The following EFR3A variants were observed in gnomAD, a reference collection of about 807,000 sequenced individuals.
EFR3A encodes the protein protein EFR3 homolog A.
A neutral mutation model predicts 104.4 loss-of-function variants in EFR3A; 76 were observed. The ratio of observed to expected loss-of-function variants is 0.73; its 90% CI spans 0.60 to 0.88. The LOEUF (loss-of-function observed/expected upper bound fraction) is 0.88. EFR3A is among the 40% of genes least tolerant of loss of function. EFR3A has a pLI of 0.00. For missense variants in EFR3A, 985 were observed against 1,012.5 expected (o/e 0.97, Z 0.37); for synonymous variants, 330 against 330.0 (o/e 1.00, Z 0.00).
chr8:132,002,338 G>GT (rs1173612009), intron 20 of EFR3A, among the ~76,000 whole-genome samples: 2 of 152,138 alleles, frequency 1.3e-5, no homozygotes, highest in African/African-American at 4.8e-5. Flanking sequence ...CCATTTTTTG[G>GT]TAAGAGAGAC....
At position 132,011,360 on chromosome 8, in the gene EFR3A, T is replaced by G; in HGVS notation, c.*465T>G. The G allele has an allele frequency of 1.0e-6, 1 of 986,238 alleles. No individual in the cohort carries two copies. The highest frequency in any genetic ancestry group is 1.7e-5 in the African/African-American group (1 of 57,348). 61.1% of individuals were successfully genotyped at this position (986,238 alleles called of 1,614,324 possible). On this transcript the variant is annotated 3_prime_UTR_variant, in exon 23 of 23. Transcript: ENST00000254624. ...TCCTAGTCCTGGGACTGCAAAACTG[T>G]TCGGTGGCTTTTTGTCCCCATGCTT... is the stretch of plus-strand genomic sequence containing the variant.
intron 22 of EFR3A, among the ~76,000 whole-genome samples, chr8:132,010,195 A>T (rs1369368107): frequency 6.6e-6 from 1 of 151,784 alleles, no homozygotes; most frequent in Non-Finnish European, 1.5e-5. Context: ...CTGAAAGTGT[A>T]AATTGCTGGT....
In EFR3A at chr8:131,952,652, C is replaced by T. The variant is rs116103941; in HGVS notation, c.489-1166C>T. On this transcript the variant is annotated intron_variant, in intron 5 of 22. Transcript: ENST00000254624. ...AGGCTTGCCCACTGTGATAGCTGCA[C>T]GAGAATCTCTCAAGACTCTTTATGT... Among the ~76,000 whole-genome samples, 727 of 152,218 alleles carry T rather than the reference C, an allele frequency of 4.8e-3. 6 individuals are homozygous for T. The highest frequency in any genetic ancestry group is 0.016 in the African/African-American group (657 of 41,532).
At position 132,010,036 on chromosome 8, in the gene EFR3A, A is replaced by G. The variant is rs553300486; in HGVS notation, c.2361-754A>G. Among the ~76,000 whole-genome samples, 280 of 152,192 alleles carry G rather than the reference A, an allele frequency of 1.8e-3. 2 individuals carry two copies. The highest frequency in any genetic ancestry group is 6.5e-3 in the African/African-American group (272 of 41,556). On this transcript the variant is annotated intron_variant, in intron 22 of 22. Transcript: ENST00000254624. ...ATTTTCAAAGAAATGTAAAATGGAT[A>G]CTACAAAGATACTTACCATTAATAG...
intron 1 of EFR3A, among the ~76,000 whole-genome samples, chr8:131,907,741 T>C (rs1816322587): frequency 6.6e-6 from 1 of 152,206 alleles, no homozygotes; most frequent in Admixed American, 6.5e-5. Context: ...ATTAGCCTTT[T>C]GTGTTCATTC....
At chr8:131,967,983 C>T (rs997704822) in intron 8 of EFR3A, among the ~76,000 whole-genome samples, 3 of 150,378 alleles carry the variant, frequency 2.0e-5, no homozygotes, top group Admixed American at 6.6e-5. Flanking sequence ...CTCATAAATC[C>T]CTTTCTCAGA....
intron 8 of EFR3A, among the ~76,000 whole-genome samples, chr8:131,967,930 T>G (rs1422404332): frequency 6.6e-6 from 1 of 152,018 alleles, no homozygotes. Flanking sequence ...AGTTTATAAA[T>G]GCACTTTGAA....
rs374828693 is a variant in EFR3A, at chr8:131,912,106, GAAAAACTT to G, written c.10+7785_10+7792del. 4.8e-3 allele frequency among the ~76,000 whole-genome samples: 737 copies of G among 152,292 alleles called. 7 individuals are homozygous for G. The highest frequency in any genetic ancestry group is 0.016 in the African/African-American group (685 of 41,550). On this transcript the variant is annotated intron_variant, in intron 1 of 22. Coordinates refer to ENST00000254624, the MANE Select transcript of EFR3A (RefSeq NM_015137.6). ...GACAGGAAGGCAGGAGAAGGTCAGA[GAAAAACTT>G]TTGTTTTTGAGGCCTTCATTTTGGA...
chr8:131,974,375 G>T (rs1053494314), intron 10 of EFR3A, among the ~76,000 whole-genome samples: 2 of 152,152 alleles, frequency 1.3e-5, no homozygotes, highest in African/African-American at 4.8e-5. Context: ...TAGGTGCTGT[G>T]GTAAAGAGAA....
intron 1 of EFR3A, among the ~76,000 whole-genome samples, chr8:131,931,858 T>C (rs897414883): frequency 6.6e-6 from 1 of 152,084 alleles, no homozygotes; most frequent in African/African-American, 2.4e-5. Flanking sequence ...CATTTTGCAG[T>C]TGTAGCTGAA....
intron 22 of EFR3A, among the ~76,000 whole-genome samples, chr8:132,004,122 A>C (rs1821919129): frequency 6.6e-6 from 1 of 152,114 alleles, no homozygotes; most frequent in African/African-American, 2.4e-5. Flanking sequence ...CATTTTTGTC[A>C]TTATATATCT....
At chr8:131,921,106 G>C (rs1816998011) in intron 1 of EFR3A, among the ~76,000 whole-genome samples, 1 of 152,142 alleles carries the variant, frequency 6.6e-6, no homozygotes, top group African/African-American at 2.4e-5. Flanking sequence ...AGAATTTGGT[G>C]TATTAGTTTG....
At chr8:131,910,429 G>A (rs569311588) in intron 1 of EFR3A, among the ~76,000 whole-genome samples, 20 of 152,210 alleles carry the variant, frequency 1.3e-4, no homozygotes, top group South Asian at 4.1e-4. Flanking sequence ...GCGCCACCAC[G>A]CCTGGCTAAT....
chr8:131,978,448 T>A (rs939596991), intron 12 of EFR3A, among the ~76,000 whole-genome samples: 3 of 152,152 alleles, frequency 2.0e-5, no homozygotes, highest in African/African-American at 7.2e-5. Context: ...AATTTAAAAT[T>A]TGCAGGTCTT....
intron 18 of EFR3A, among the ~76,000 whole-genome samples, chr8:131,989,976 C>T (rs1190339134): frequency 1.3e-5 from 2 of 152,190 alleles, no homozygotes; most frequent in Admixed American, 6.5e-5. Flanking sequence ...CCAAGTACTG[C>T]TTTGTGAGGG....
rs144169052 is a variant in EFR3A at position 132,001,768 on chromosome 8, A to G, written c.2167A>G (p.Thr723Ala). 3.7e-6 allele frequency: 6 copies of G among 1,613,348 alleles called. No individual in the cohort carries two copies. In the African/African-American group the frequency reaches 6.7e-5, roughly 18 times the overall value. The stretch of plus-strand genomic sequence containing the variant: ...TATCACTTTTCTCTAGGTTAGTAAC[A>G]CTGAAGAAATCACTTTTGAAGCATT... Reference protein sequence around the residue: ...NVPSDDVVSNTEEITFEALKK... With the variant: ...NVPSDDVVSNAEEITFEALKK... The change falls in exon 20 of 23, where the codon ACT (threonine) becomes GCT (alanine). Residue 723 changes from threonine to alanine, a missense_variant. Transcript: ENST00000254624.
At chr8:131,920,942 AAGAATC>A (rs1816985986) in intron 1 of EFR3A, among the ~76,000 whole-genome samples, 1 of 152,230 alleles carries the variant, frequency 6.6e-6, no homozygotes, top group Non-Finnish European at 1.5e-5. Context: ...TACATTTTGA[AAGAATC>A]AGACTAGTAG....
At chr8:131,989,638 A>T (rs917636745) in intron 18 of EFR3A, among the ~76,000 whole-genome samples, 1 of 152,162 alleles carries the variant, frequency 6.6e-6, no homozygotes, top group Admixed American at 6.6e-5. Context: ...AAAGATCCAG[A>T]TTGATTTTTA....
At chr8:131,984,804 A>T in intron 15 of EFR3A, 125 bp from the exon 16 acceptor site, 1 of 847,808 alleles carries the variant, frequency 1.2e-6, no homozygotes, top group East Asian at 2.7e-5. Flanking sequence ...TTTAGAAAAT[A>T]ACTTCTGATA....
Sources: gnomAD v4.1 joint callset for allele counts (sites outside exome capture counted in the v4.1 genomes callset) on GRCh38, gnomAD v4.1.1 for gene constraint, MANE v1.5 for transcripts, NCBI Gene and HGNC (gene_info 2026-07-23, HGNC 2026-07-21) for gene names.